The following PURB variants were observed in gnomAD, a reference collection of about 807,000 sequenced individuals.
The protein encoded by PURB is purine rich element binding protein B, also known as transcriptional regulator protein Pur-beta.
PURB carries 11 observed loss-of-function variants against 21.1 expected under a neutral mutation model. The observed-to-expected ratio is 0.52, with a 90% confidence interval of 0.33 to 0.86. The LOEUF (loss-of-function observed/expected upper bound fraction) is 0.86, where lower values mean the gene tolerates loss of function less well. Among genes scored for constraint, PURB ranks in the 40% least tolerant of loss-of-function variants. PURB has a pLI of 0.02. For missense variants in PURB, 357 were observed against 456.5 expected, an observed-to-expected ratio of 0.78 and a Z score of 1.99; for synonymous variants, 246 against 210.8, an observed-to-expected ratio of 1.17 and a Z score of -1.45.
In PURB at chr7:44,882,271, G is replaced by A. The variant is rs540976264; in HGVS notation, c.*2139C>T. 4 of 152,652 alleles carry A rather than the reference G, an allele frequency of 2.6e-5. No homozygotes were observed. In the East Asian group the frequency reaches 7.7e-4, roughly 29 times the overall value. 9.5% of individuals were successfully genotyped at this position (152,652 alleles called of 1,614,324 possible). A position where few individuals can be genotyped will look rare whatever the true frequency, so the allele number is the denominator to read the frequency against. On this transcript the variant is annotated 3_prime_UTR_variant, in exon 1 of 1. Transcript: ENST00000395699. The stretch of plus-strand genomic sequence containing the variant: ...ATTATTGAAAAACAGCTGCCTTGTA[G>A]TACAAAATACAGTACAAGTATACGG...
chr7:44,881,109 T>C lies in PURB; in HGVS notation c.*3301A>G, dbSNP rs1793870342. The C allele has an allele frequency of 6.6e-6, 1 of 152,422 alleles. No homozygotes were observed. The highest frequency in any genetic ancestry group is 1.5e-5 in the Non-Finnish European group (1 of 68,024). 9.4% of individuals were successfully genotyped at this position (152,422 alleles called of 1,614,324 possible). On this transcript the variant is annotated 3_prime_UTR_variant, in exon 1 of 1. Coordinates refer to ENST00000395699, the MANE Select transcript of PURB (RefSeq NM_033224.5). ...TGATTCTGTTCCTAAAATTTGGCTT[T>C]TCACCTTTGTAACTATGGTAGTTTG...
chr7:44,884,788 C>A lies in PURB; in HGVS notation c.561G>T (p.Ala187=), dbSNP rs770602457. The A allele has an allele frequency of 1.1e-5, 18 of 1,606,378 alleles. No individual in the cohort carries two copies. The African/African-American group carries it at 2.0e-4, about 18-fold the overall frequency. Residue 187 remains alanine (A), a synonymous_variant, in exon 1 of 1, where the codon GCG becomes GCT. Transcript: ENST00000395699. ...CGCCTCCGTAGTCGTCTATGAGCTT[C>A]GCCAGCGCGTCGCGGAACTCGATGA... ...QGLIEFRDAL[A]KLIDDYGGED...
chr7:44,879,278 C>T lies in PURB; in HGVS notation c.*5132G>A, dbSNP rs538410721. 4 of 152,328 alleles carry T rather than the reference C, an allele frequency of 2.6e-5. No homozygotes were observed. Among genetic ancestry groups the T allele is most frequent in the African/African-American group, 9.6e-5 (4 of 41,518 alleles). 9.4% of individuals were successfully genotyped at this position (152,328 alleles called of 1,614,324 possible). On this transcript the variant is annotated 3_prime_UTR_variant, in exon 1 of 1. Coordinates refer to ENST00000395699, the MANE Select transcript of PURB (RefSeq NM_033224.5). ...CTGACCTGAACTGACCCGCCCACCT[C>T]AGCCTCCCAGAGTGCTGGGATTACA...
In PURB at chr7:44,877,995, G is replaced by C. The variant is rs1793824117; in HGVS notation, c.*6415C>G. 1 of 152,096 alleles carries C rather than the reference G, an allele frequency of 6.6e-6. No individual in the cohort carries two copies. Among genetic ancestry groups the C allele is most frequent in the Non-Finnish European group, 1.5e-5 (1 of 68,016 alleles). 9.4% of individuals were successfully genotyped at this position (152,096 alleles called of 1,614,324 possible). On this transcript the variant is annotated 3_prime_UTR_variant, in exon 1 of 1. Transcript: ENST00000395699. ...GGACTCTCCCTGCAGTTATGTCTCT[G>C]AAAAAGGAATTTTACAAGAGAATAA...
Position 44,881,644 on chromosome 7 carries a change from T to C in PURB, c.*2766A>G, listed in dbSNP as rs892069121. On this transcript the variant is annotated 3_prime_UTR_variant, in exon 1 of 1. Transcript: ENST00000395699. ...GCTTATGCATTCTTTGCTCCTTTTT[T>C]TGGAGGATTTTCAAATTGATATCTA... The C allele has an allele frequency of 1.3e-5, 2 of 152,798 alleles. No individual in the cohort carries two copies. Among genetic ancestry groups the C allele is most frequent in the Non-Finnish European group, 2.9e-5 (2 of 68,140 alleles). The allele number at this position is 152,798 out of a possible 1,614,324, so 9.5% of individuals were successfully genotyped here.
In PURB at chr7:44,883,535, A is replaced by C. The variant is rs1793910454; in HGVS notation, c.*875T>G. The C allele has an allele frequency of 6.6e-6, 1 of 152,556 alleles. No individual in the cohort carries two copies. The highest frequency in any genetic ancestry group is 2.1e-4 in the South Asian group (1 of 4,824). The allele number at this position is 152,556 out of a possible 1,614,324, so 9.5% of individuals were successfully genotyped here. A position where few individuals can be genotyped will look rare whatever the true frequency, so the allele number is the denominator to read the frequency against. ...TTAGTGAGCAGCAACCAATCCACTCAAACAGTCTGCCTTGTGCTTTATGCC... is the reference window on the plus strand; with the variant it reads ...TTAGTGAGCAGCAACCAATCCACTCCAACAGTCTGCCTTGTGCTTTATGCC... On this transcript the variant is annotated 3_prime_UTR_variant, in exon 1 of 1. Coordinates refer to ENST00000395699, the MANE Select transcript of PURB (RefSeq NM_033224.5).
At position 44,882,552 on chromosome 7, in the gene PURB, C is replaced by T. The variant is rs1039573964; in HGVS notation, c.*1858G>A. On this transcript the variant is annotated 3_prime_UTR_variant, in exon 1 of 1. Coordinates refer to ENST00000395699, the MANE Select transcript of PURB (RefSeq NM_033224.5). ...TAATTTTATGTACACAATTATTTCC[C>T]GCCCTCTCAGCCACAAATACATGAA... 1 of 152,192 alleles carries T rather than the reference C, an allele frequency of 6.6e-6. No individual in the cohort carries two copies. Among genetic ancestry groups the T allele is most frequent in the African/African-American group, 2.4e-5 (1 of 41,366 alleles). The allele number at this position is 152,192 out of a possible 1,614,324, so 9.4% of individuals were successfully genotyped here. A position where few individuals can be genotyped will look rare whatever the true frequency, so the allele number is the denominator to read the frequency against.
chr7:44,884,776 G>A lies in PURB; in HGVS notation c.573C>T (p.Asp191=), dbSNP rs923203224. Residue 191 remains aspartate, a synonymous_variant, in exon 1 of 1, where the codon GAC becomes GAT. Transcript: ENST00000395699. ...GCTCGTCGTCCTCGCCTCCGTAGTC[G>A]TCTATGAGCTTCGCCAGCGCGTCGC... ...EFRDALAKLI[D]DYGGEDDELA... 5.6e-6 allele frequency: 9 copies of A among 1,608,846 alleles called. No homozygotes were observed. Among genetic ancestry groups the A allele is most frequent in the Non-Finnish European group, 7.6e-6 (9 of 1,178,522 alleles).
chr7:44,877,244 G>A lies in PURB; in HGVS notation c.*7166C>T, dbSNP rs896459865. The stretch of plus-strand genomic sequence containing the variant: ...TGTTATCTGGAAACAGAAGACAAAT[G>A]AATTTTAAAAATGATCTTGGAAAAA... On this transcript the variant is annotated 3_prime_UTR_variant, in exon 1 of 1. Coordinates refer to ENST00000395699, the MANE Select transcript of PURB (RefSeq NM_033224.5). 6.6e-6 allele frequency: 1 copy of A among 152,264 alleles called. No individual in the cohort carries two copies. The highest frequency in any genetic ancestry group is 6.6e-5 in the Admixed American group (1 of 15,264). 9.4% of individuals were successfully genotyped at this position (152,264 alleles called of 1,614,324 possible). A position where few individuals can be genotyped will look rare whatever the true frequency, so the allele number is the denominator to read the frequency against.
At position 44,877,240 on chromosome 7, in the gene PURB, AAATG is replaced by A. The variant is rs2073419629; in HGVS notation, c.*7166_*7169del. ...AGTATGTTATCTGGAAACAGAAGAC[AAATG>A]AATTTTAAAAATGATCTTGGAAAAA... On this transcript the variant is annotated 3_prime_UTR_variant, in exon 1 of 1. Transcript: ENST00000395699. The A allele has an allele frequency of 1.3e-5, 2 of 152,420 alleles. No homozygotes were observed. The highest frequency in any genetic ancestry group is 4.1e-4 in the South Asian group (2 of 4,836). 9.4% of individuals were successfully genotyped at this position (152,420 alleles called of 1,614,324 possible).
rs1311417618 is a variant in PURB, at chr7:44,885,490, A to C, written c.-142T>G. ...CATCGCCGGCCGCCGCCGCCCCCCCATCGCCTCCGCGCCCCGCCCCCGCGA... is the reference window on the plus strand; with the variant it reads ...CATCGCCGGCCGCCGCCGCCCCCCCCTCGCCTCCGCGCCCCGCCCCCGCGA... On this transcript the variant is annotated 5_prime_UTR_variant, in exon 1 of 1. An upstream start codon of the reference 5' UTR is lost. Transcript: ENST00000395699. 40 of 167,794 alleles carry C rather than the reference A, an allele frequency of 2.4e-4. No individual in the cohort carries two copies. The highest frequency in any genetic ancestry group is 4.0e-4 in the Non-Finnish European group (34 of 85,726). 10.4% of individuals were successfully genotyped at this position (167,794 alleles called of 1,614,324 possible). A position where few individuals can be genotyped will look rare whatever the true frequency, so the allele number is the denominator to read the frequency against.
In PURB at chr7:44,883,717, A is replaced by C. The variant is rs559825920; in HGVS notation, c.*693T>G. The C allele has an allele frequency of 6.6e-6, 1 of 152,596 alleles. No individual in the cohort carries two copies. Among genetic ancestry groups the C allele is most frequent in the South Asian group, 2.1e-4 (1 of 4,830 alleles). 9.5% of individuals were successfully genotyped at this position (152,596 alleles called of 1,614,324 possible). The stretch of plus-strand genomic sequence containing the variant: ...ATCCTGGAAAACAATTCTGCGAAGA[A>C]AAGACATTTGCCTTGGTCCAGGTTC... On this transcript the variant is annotated 3_prime_UTR_variant, in exon 1 of 1. Coordinates refer to ENST00000395699, the MANE Select transcript of PURB (RefSeq NM_033224.5).
At position 44,883,986 on chromosome 7, in the gene PURB, A is replaced by T. The variant is rs1793917993; in HGVS notation, c.*424T>A. 1 of 212,618 alleles carries T rather than the reference A, an allele frequency of 4.7e-6. No individual in the cohort carries two copies. The highest frequency in any genetic ancestry group is 2.3e-5 in the African/African-American group (1 of 43,086). 13.2% of individuals were successfully genotyped at this position (212,618 alleles called of 1,614,324 possible). On this transcript the variant is annotated 3_prime_UTR_variant, in exon 1 of 1. Coordinates refer to ENST00000395699, the MANE Select transcript of PURB (RefSeq NM_033224.5). ...TAGACACCGCAACAGTGAGGCCTAG[A>T]GAGATCTTTTATGCCAGATTACCCA... is the stretch of plus-strand genomic sequence containing the variant.
In PURB at chr7:44,884,644, A is replaced by G; in HGVS notation, c.705T>C (p.Asp235=). Residue 235 remains aspartate, a synonymous_variant, in exon 1 of 1, where the codon GAT becomes GAC. Coordinates refer to ENST00000395699, the MANE Select transcript of PURB (RefSeq NM_033224.5). ...ACACCCCGTATTTGTTGCAGCCCAC[A>G]TCGAAGAAGAAGCGCTTGGAGTCCA... ...ITVDSKRFFF[D]VGCNKYGVFL... 1.9e-6 allele frequency: 3 copies of G among 1,614,154 alleles called. No individual in the cohort carries two copies. Among genetic ancestry groups the G allele is most frequent in the South Asian group, 1.1e-5 (1 of 91,082 alleles).
chr7:44,881,757 T>C lies in PURB; in HGVS notation c.*2653A>G, dbSNP rs1413051371. 1 of 154,724 alleles carries C rather than the reference T, an allele frequency of 6.5e-6. No individual in the cohort carries two copies. Among genetic ancestry groups the C allele is most frequent in the African/African-American group, 2.4e-5 (1 of 41,534 alleles). 9.6% of individuals were successfully genotyped at this position (154,724 alleles called of 1,614,324 possible). A position where few individuals can be genotyped will look rare whatever the true frequency, so the allele number is the denominator to read the frequency against. On this transcript the variant is annotated 3_prime_UTR_variant, in exon 1 of 1. Coordinates refer to ENST00000395699, the MANE Select transcript of PURB (RefSeq NM_033224.5). ...CCAAAGCTGATGCCATATATGGTAG[T>C]GTTCTTGGCATATACTCTATATGCC...
Position 44,881,294 on chromosome 7 carries a change from C to T in PURB, c.*3116G>A, listed in dbSNP as rs1793872731. 6.6e-6 allele frequency: 1 copy of T among 152,152 alleles called. No homozygotes were observed. The highest frequency in any genetic ancestry group is 2.4e-5 in the African/African-American group (1 of 41,412). The allele number at this position is 152,152 out of a possible 1,614,324, so 9.4% of individuals were successfully genotyped here. ...AAAAACAAAAAAATTGGTTGTTTCC[C>T]ATGTCTGTACAATGCCATTATCTGA... On this transcript the variant is annotated 3_prime_UTR_variant, in exon 1 of 1. Transcript: ENST00000395699.
chr7:44,881,317 T>G lies in PURB; in HGVS notation c.*3093A>C, dbSNP rs1793872900. The stretch of plus-strand genomic sequence containing the variant: ...CCCATGTCTGTACAATGCCATTATC[T>G]GACTGGAATTAACAAAGACCATTTC... On this transcript the variant is annotated 3_prime_UTR_variant, in exon 1 of 1. Coordinates refer to ENST00000395699, the MANE Select transcript of PURB (RefSeq NM_033224.5). 1 of 152,340 alleles carries G rather than the reference T, an allele frequency of 6.6e-6. No homozygotes were observed. The highest frequency in any genetic ancestry group is 2.4e-5 in the African/African-American group (1 of 41,462). 9.4% of individuals were successfully genotyped at this position (152,340 alleles called of 1,614,324 possible). A position where few individuals can be genotyped will look rare whatever the true frequency, so the allele number is the denominator to read the frequency against.
rs1381460361 is a variant in PURB at position 44,884,520 on chromosome 7, C to T, written c.829G>A (p.Asp277Asn). The T allele has an allele frequency of 6.2e-7, 1 of 1,614,006 alleles. No individual in the cohort carries two copies. Among genetic ancestry groups the T allele is most frequent in the Admixed American group, 1.7e-5 (1 of 60,000 alleles). The change falls in exon 1 of 1, where the codon GAT becomes AAT. Residue 277 changes from aspartate to asparagine, a missense_variant. Physicochemically the swap from Asp to Asn is conservative, Grantham distance 23 (BLOSUM62 1). Coordinates refer to ENST00000395699, the MANE Select transcript of PURB (RefSeq NM_033224.5). Reference protein sequence around the residue: ...KFGGAFCRYADEMKEIQERQR... With the variant: ...KFGGAFCRYANEMKEIQERQR... ...CGTTCCTGGATTTCTTTCATCTCAT[C>T]CGCATACCGGCAAAAGGCGCCTCCG...
Position 44,882,001 on chromosome 7 carries a change from C to T in PURB, c.*2409G>A, listed in dbSNP as rs1350459188. On this transcript the variant is annotated 3_prime_UTR_variant, in exon 1 of 1. Transcript: ENST00000395699. ...GGCTCACTGCAGCTGAGCAACAGAA[C>T]CACCACTGAAGCAAGAAAACAAGTT... 6.5e-6 allele frequency: 1 copy of T among 152,932 alleles called. No individual in the cohort carries two copies. Among genetic ancestry groups the T allele is most frequent in the Non-Finnish European group, 1.5e-5 (1 of 68,204 alleles). The allele number at this position is 152,932 out of a possible 1,614,324, so 9.5% of individuals were successfully genotyped here. A position where few individuals can be genotyped will look rare whatever the true frequency, so the allele number is the denominator to read the frequency against.
Sources: allele counts gnomAD v4.1 joint callset, GRCh38; gene constraint gnomAD v4.1.1; transcripts MANE v1.5; gene names NCBI Gene and HGNC (gene_info 2026-07-23, HGNC 2026-07-21).